Variants in CALN1 observed in about 807,000 individuals in gnomAD.
CALN1 encodes the protein calcium-binding protein 8.
A neutral mutation model predicts 30.6 loss-of-function variants in CALN1; 17 were observed. That is an observed-to-expected ratio of 0.56 (90% confidence interval 0.38 to 0.83). CALN1 has a LOEUF of 0.83. Among genes scored for constraint, CALN1 ranks in the 40% least tolerant of loss-of-function variants. The pLI is 0.00. For missense variants in CALN1, 291 were observed against 354.9 expected, an observed-to-expected ratio of 0.82 and a Z score of 1.45; for synonymous variants, 156 against 131.4, an observed-to-expected ratio of 1.19 and a Z score of -1.28.
chr7:72,078,710 CAGACCACCTGAGGTCAGGAGATGA>C (rs1804916664), intron 4 of CALN1, among the ~76,000 whole-genome samples: 1 of 152,110 alleles, frequency 6.6e-6, no homozygotes, highest in Admixed American at 6.6e-5. Flanking sequence ...CCAAGGCGGG[CAGACCACCTGAGGTCAGGAGATGA>C]AGACCAGCCT....
At chr7:72,015,302 A>G (rs1276090437) in intron 5 of CALN1, among the ~76,000 whole-genome samples, 1 of 152,228 alleles carries the variant, frequency 6.6e-6, no homozygotes, top group Non-Finnish European at 1.5e-5. Flanking sequence ...AACTCAAGCC[A>G]GCGTTGACGT....
chr7:72,263,552 T>A (rs1193474472), intron 3 of CALN1, among the ~76,000 whole-genome samples: 1 of 152,068 alleles, frequency 6.6e-6, no homozygotes, highest in African/African-American at 2.4e-5. Context: ...CCCACCACCA[T>A]GCCTGGCTAA....
chr7:72,111,411 A>C (rs1197167973), intron 3 of CALN1, among the ~76,000 whole-genome samples: 1 of 152,210 alleles, frequency 6.6e-6, no homozygotes, highest in African/African-American at 2.4e-5. Flanking sequence ...ACTTGGAAAG[A>C]AATAATCCTG....
intron 2 of CALN1, among the ~76,000 whole-genome samples, chr7:72,320,767 G>A (rs1397150295): frequency 1.3e-5 from 2 of 150,102 alleles, no homozygotes; most frequent in Admixed American, 6.7e-5. Flanking sequence ...CCAGGGAGGC[G>A]GAGGTTGCAG....
intron 4 of CALN1, among the ~76,000 whole-genome samples, chr7:72,057,759 C>T (rs1414397903): frequency 1.3e-5 from 2 of 151,924 alleles, no homozygotes; most frequent in African/African-American, 4.8e-5. Flanking sequence ...AGTTGTATGA[C>T]ATCTTACAGA....
chr7:72,447,379 C>T (rs1322542968), upstream of CALN1, among the ~76,000 whole-genome samples: 1 of 152,110 alleles, frequency 6.6e-6, no homozygotes, highest in Admixed American at 6.5e-5. Flanking sequence ...ACACCGGAGT[C>T]TCTCGGGCTG....
chr7:72,340,238 C>A (rs1802319592), intron 2 of CALN1, among the ~76,000 whole-genome samples: 1 of 152,166 alleles, frequency 6.6e-6, no homozygotes, highest in African/African-American at 2.4e-5. Context: ...AATCTTTGAA[C>A]TCACTTATGA....
chr7:72,340,548 T>G (rs1802331662), intron 2 of CALN1, among the ~76,000 whole-genome samples: 1 of 152,224 alleles, frequency 6.6e-6, no homozygotes, highest in South Asian at 2.1e-4. Flanking sequence ...GTTGGTGCCC[T>G]GCAAATACAT....
chr7:72,383,469 G>A (rs1805032418), intron 2 of CALN1, among the ~76,000 whole-genome samples: 1 of 152,062 alleles, frequency 6.6e-6, no homozygotes, highest in East Asian at 1.9e-4. Context: ...TCTCATTATG[G>A]TTTTGATTTG....
At chr7:72,066,939 G>T (rs2129537634) in intron 4 of CALN1, among the ~76,000 whole-genome samples, 1 of 151,592 alleles carries the variant, frequency 6.6e-6, no homozygotes, top group South Asian at 2.1e-4. Flanking sequence ...GTGCCACCAT[G>T]CCCAGCTAAT....
At chr7:72,497,814 T>C in the CALN1 span, among the ~76,000 whole-genome samples, 2 of 152,086 alleles carry the variant, frequency 1.3e-5, no homozygotes, top group Non-Finnish European at 2.9e-5. Context: ...GACTAATAAA[T>C]AGAGGGGAAA....
rs1448739341 is a variant in CALN1, at chr7:72,377,158, A to T, written c.119+26093T>A. ...GTTTTTCTCCTTTTTCAGATTGTCT[A>T]GTCATGGTTCCCTGAATTTCCATAT... On this transcript the variant is annotated intron_variant, in intron 2 of 6. Transcript: ENST00000395275. 2.0e-5 allele frequency among the ~76,000 whole-genome samples: 3 copies of T among 152,166 alleles called. No homozygotes were observed. In the East Asian group the frequency reaches 5.8e-4, roughly 29 times the overall value.
chr7:71,979,051 A>G (rs961596888), intron 5 of CALN1, among the ~76,000 whole-genome samples: 1 of 152,074 alleles, frequency 6.6e-6, no homozygotes, highest in Non-Finnish European at 1.5e-5. Flanking sequence ...GGTAGAGATG[A>G]TGTCTCCCTC....
At chr7:72,132,785 T>C (rs1012621247) in intron 3 of CALN1, among the ~76,000 whole-genome samples, 5 of 152,082 alleles carry the variant, frequency 3.3e-5, no homozygotes, top group South Asian at 2.1e-4. Flanking sequence ...CAAGACAATG[T>C]AGCCCATCAG....
chr7:72,495,371 C>T, the CALN1 span, among the ~76,000 whole-genome samples: 3 of 152,176 alleles, frequency 2.0e-5, no homozygotes, highest in Admixed American at 6.5e-5. Flanking sequence ...AGTTCCTCCT[C>T]GTGTGAGTCC....
chr7:72,021,861 G>A (rs1800727864), intron 5 of CALN1, among the ~76,000 whole-genome samples: 1 of 152,064 alleles, frequency 6.6e-6, no homozygotes, highest in African/African-American at 2.4e-5. Context: ...CTTCTACTCA[G>A]CATGTCCAAT....
chr7:71,800,614 C>G (rs75422313), intron 6 of CALN1, among the ~76,000 whole-genome samples: 5,594 of 152,172 alleles, frequency 0.037, 150 homozygotes, highest in Non-Finnish European at 0.059. Context: ...TTCTACTCGA[C>G]TTCCAAATAT....
intron 6 of CALN1, among the ~76,000 whole-genome samples, chr7:71,788,613 G>A (rs1793124974): frequency 1.3e-5 from 2 of 149,870 alleles, no homozygotes; most frequent in Middle Eastern, 3.5e-3. Context: ...TCCCACTTCA[G>A]CCTCCTGAGT....
At chr7:72,187,884 T>G (rs1429585247) in intron 3 of CALN1, among the ~76,000 whole-genome samples, 1 of 152,128 alleles carries the variant, frequency 6.6e-6, no homozygotes, top group Non-Finnish European at 1.5e-5. Flanking sequence ...TTTCAAAAAC[T>G]TATCCTGCAG....
Sources: allele counts gnomAD v4.1 joint callset (sites outside exome capture counted in the v4.1 genomes callset), GRCh38; gene constraint gnomAD v4.1.1; transcripts MANE v1.5; gene names NCBI Gene and HGNC (gene_info 2026-07-23, HGNC 2026-07-21).